SLC22A23: variants seen among roughly 807,000 people sequenced by gnomAD.
SLC22A23 encodes ion transporter protein.
A neutral mutation model predicts 61.0 loss-of-function variants in SLC22A23; 26 were observed. That is an observed-to-expected ratio of 0.43 (90% confidence interval 0.31 to 0.59). The LOEUF (loss-of-function observed/expected upper bound fraction) is 0.59, where lower values mean the gene tolerates loss of function less well. Ranked by LOEUF, SLC22A23 falls within the 20% of genes least tolerant of loss-of-function variation. The pLI, the probability that SLC22A23 is intolerant of heterozygous loss-of-function variation, is 0.11. For synonymous variants in SLC22A23, 430 were observed against 413.9 expected, an observed-to-expected ratio of 1.04 and a Z score of -0.47; for missense variants, 796 against 934.7, an observed-to-expected ratio of 0.85 and a Z score of 1.94.
intron 3 of SLC22A23, among the ~76,000 whole-genome samples, chr6:3,341,011 T>G (rs1764122883): frequency 6.6e-6 from 1 of 152,230 alleles, no homozygotes; most frequent in African/African-American, 2.4e-5. Context: ...TTCCCCTCCC[T>G]TCACAGGGTT....
At chr6:3,397,055 C>T (rs911167757) in intron 3 of SLC22A23, among the ~76,000 whole-genome samples, 11 of 152,188 alleles carry the variant, frequency 7.2e-5, no homozygotes, top group African/African-American at 1.7e-4. Flanking sequence ...CACCCATAGA[C>T]GCTGCTGTGG....
intron 3 of SLC22A23, among the ~76,000 whole-genome samples, chr6:3,367,089 A>T (rs1392744434): frequency 6.6e-6 from 1 of 152,196 alleles, no homozygotes; most frequent in Non-Finnish European, 1.5e-5. Context: ...TCCACTAAAC[A>T]TCTGCTAGCA....
rs1021089122 is a variant in SLC22A23 at position 3,342,811 on chromosome 6, G to A, written c.914-18809C>T. Among the ~76,000 whole-genome samples the A allele has an allele frequency of 6.6e-6, 1 of 152,184 alleles. No individual in the cohort carries two copies. Among genetic ancestry groups the A allele is most frequent in the Non-Finnish European group, 1.5e-5 (1 of 68,044 alleles). ...AATTAAACTGACAAAAGACAGGCTG[G>A]CAAGAGGAAAGACAAAGTTTAATCA... On this transcript the variant is annotated intron_variant, in intron 3 of 9. Transcript: ENST00000406686. The surrounding 1 kb of genome is among the most constrained non-coding windows in gnomAD (Gnocchi z 4.0).
chr6:3,442,004 T>C (rs999872831), intron 1 of SLC22A23, among the ~76,000 whole-genome samples: 6 of 152,062 alleles, frequency 3.9e-5, no homozygotes, highest in Non-Finnish European at 7.4e-5. Flanking sequence ...ACATGCACCA[T>C]AGCCAAGGGG....
intron 1 of SLC22A23, among the ~76,000 whole-genome samples, chr6:3,419,551 A>G (rs1769978099): frequency 1.3e-5 from 2 of 152,134 alleles, no homozygotes; most frequent in South Asian, 4.1e-4. Flanking sequence ...GGAGGCATCC[A>G]TTTTGCTGGT....
intron 3 of SLC22A23, among the ~76,000 whole-genome samples, chr6:3,396,053 C>T (rs1395189429): frequency 6.6e-6 from 1 of 152,214 alleles, no homozygotes. Flanking sequence ...GGGAACAACA[C>T]AGCAGTATAA....
In SLC22A23 at chr6:3,297,541, C is replaced by T. The variant is rs1302362339; in HGVS notation, c.1210+550G>A. 6.6e-6 allele frequency among the ~76,000 whole-genome samples: 1 copy of T among 152,192 alleles called. No homozygotes were observed. The highest frequency in any genetic ancestry group is 2.4e-5 in the African/African-American group (1 of 41,444). On this transcript the variant is annotated intron_variant, in intron 5 of 9. Coordinates refer to ENST00000406686, the MANE Select transcript of SLC22A23 (RefSeq NM_015482.2). This position sits in a 1 kb window ranked among gnomAD's most constrained non-coding sequence, Gnocchi z 4.3. Reference sequence around the variant, plus strand: ...GGATTTTAACAACCTCCTGGTGATACGTGGATCCCCAGGTTGAGAACCCCC... The same window carrying T: ...GGATTTTAACAACCTCCTGGTGATATGTGGATCCCCAGGTTGAGAACCCCC...
intron 6 of SLC22A23, among the ~76,000 whole-genome samples, chr6:3,289,361 G>A (rs972079677): frequency 2.6e-5 from 4 of 152,262 alleles, no homozygotes; most frequent in African/African-American, 4.8e-5. Flanking sequence ...CAGGCTGGCT[G>A]CAGGTTCAGG....
At chr6:3,320,087 C>T (rs895407026) in intron 4 of SLC22A23, among the ~76,000 whole-genome samples, 1 of 152,162 alleles carries the variant, frequency 6.6e-6, no homozygotes, top group Non-Finnish European at 1.5e-5. Flanking sequence ...TCAGCTCTAG[C>T]CCCCGGGCAG....
intron 3 of SLC22A23, among the ~76,000 whole-genome samples, chr6:3,362,992 G>C (rs963042304): frequency 6.6e-6 from 1 of 152,190 alleles, no homozygotes; most frequent in Non-Finnish European, 1.5e-5. Context: ...CAGAGCCCAA[G>C]GAAGAGAGTT....
At chr6:3,290,051 C>T in intron 5 of SLC22A23, 185 bp from the exon 6 acceptor site, 1 of 618,634 alleles carries the variant, frequency 1.6e-6, no homozygotes, top group Non-Finnish European at 2.9e-6. Flanking sequence ...ACTCATAAGA[C>T]CCCAGCTTTG....
chr6:3,345,059 A>C (rs991149607), intron 3 of SLC22A23, among the ~76,000 whole-genome samples: 1 of 152,254 alleles, frequency 6.6e-6, no homozygotes, highest in African/African-American at 2.4e-5. Flanking sequence ...AGACTGTAAT[A>C]AATATGTCCC....
chr6:3,412,129 C>T (rs1029409963), intron 2 of SLC22A23, among the ~76,000 whole-genome samples: 5 of 151,268 alleles, frequency 3.3e-5, no homozygotes, highest in African/African-American at 1.2e-4. Context: ...TTGTAGTGCT[C>T]ATTCCTTCCT....
intron 3 of SLC22A23, among the ~76,000 whole-genome samples, chr6:3,352,104 C>T (rs1038168978): frequency 1.6e-5 from 2 of 124,152 alleles, no homozygotes; most frequent in South Asian, 2.6e-4. Context: ...TGGCAGAGGC[C>T]ATGGCAAAAC....
rs1462558654 is a variant in SLC22A23 at position 3,323,866 on chromosome 6, G to A, written c.1050C>T (p.Ile350=). The A allele has an allele frequency of 6.2e-7, 1 of 1,614,102 alleles. No homozygotes were observed. Among genetic ancestry groups the A allele is most frequent in the Non-Finnish European group, 8.5e-7 (1 of 1,180,004 alleles). ...AGAGCAGCATGAGCAGGAAGGGGCA[G>A]ATGATGAGGGCCTGCAGCACCTGCC... ...RDWQVLQALI[I]CPFLLMLLYW... is the part of the protein sequence containing the mutation. The change falls in exon 4 of 10, where the codon ATC becomes ATT. Residue 350 remains isoleucine (I), a synonymous_variant. Transcript: ENST00000406686.
intron 6 of SLC22A23, among the ~76,000 whole-genome samples, chr6:3,288,069 C>G (rs999883035): frequency 3.3e-5 from 5 of 152,174 alleles, no homozygotes; most frequent in Non-Finnish European, 5.9e-5. Flanking sequence ...GCGTATCAAC[C>G]TGCTGGAAAA....
chr6:3,313,102 T>A (rs1338556728), intron 4 of SLC22A23: 4 of 152,182 alleles, frequency 2.6e-5, no homozygotes, highest in African/African-American at 9.6e-5. Flanking sequence ...CTTGCAGGCA[T>A]TTGTGTTGAC....
intron 3 of SLC22A23, among the ~76,000 whole-genome samples, chr6:3,361,009 TGTCCC>T (rs760362581): frequency 5.3e-5 from 8 of 151,984 alleles, no homozygotes; most frequent in Non-Finnish European, 1.0e-4. Flanking sequence ...CCACAGAAGG[TGTCCC>T]ACATTTTATA....
chr6:3,336,573 C>T (rs1301846507), intron 3 of SLC22A23, among the ~76,000 whole-genome samples: 1 of 152,202 alleles, frequency 6.6e-6, no homozygotes, highest in Non-Finnish European at 1.5e-5. Flanking sequence ...TGGCTGCAAG[C>T]CCTACACTGC....
Sources: allele counts gnomAD v4.1 joint callset (sites outside exome capture counted in the v4.1 genomes callset), GRCh38; gene constraint gnomAD v4.1.1; non-coding constraint Gnocchi (gnomAD v3.1); transcripts MANE v1.5; gene names NCBI Gene and HGNC (gene_info 2026-07-23, HGNC 2026-07-21).